PCDHA1: variants seen among roughly 807,000 people sequenced by gnomAD.
PCDHA1 encodes protocadherin alpha-1.
A neutral mutation model predicts 61.3 loss-of-function variants in PCDHA1; 42 were observed. The ratio of observed to expected loss-of-function variants is 0.69; its 90% CI spans 0.54 to 0.89. The LOEUF is 0.89. PCDHA1 is among the 40% of genes least tolerant of loss of function. PCDHA1 has a pLI of 0.00. For missense variants in PCDHA1, 1,256 were observed against 1,235.3 expected (o/e 1.02, Z -0.25); for synonymous variants, 610 against 553.8 (o/e 1.10, Z -1.43).
intron 1 of PCDHA1, among the ~76,000 whole-genome samples, chr5:140,901,260 T>C (rs1554189701): frequency 6.6e-6 from 1 of 152,308 alleles, no homozygotes; most frequent in East Asian, 1.9e-4. Flanking sequence ...CCTGTGATTG[T>C]GGGGTATTAC....
chr5:141,001,435 A>G (rs1377491641), intron 3 of PCDHA1, among the ~76,000 whole-genome samples: 4 of 152,202 alleles, frequency 2.6e-5, no homozygotes, highest in African/African-American at 7.2e-5. Flanking sequence ...TTCCATGGAA[A>G]AGTCTTTCCA....
chr5:140,853,533 T>C (rs2042784288), intron 1 of PCDHA1: 2 of 979,954 alleles, frequency 2.0e-6, no homozygotes, highest in African/African-American at 3.5e-5. Context: ...TATGTCTCTT[T>C]TCAAGTTGTA....
chr5:140,883,406 G>A, intron 1 of PCDHA1: 2 of 1,614,156 alleles, frequency 1.2e-6, no homozygotes, highest in South Asian at 2.2e-5. Context: ...TCGTGACTCT[G>A]GCTCAAATGG....
chr5:140,796,245 A>T lies in PCDHA1; in HGVS notation c.2394+7561A>T, dbSNP rs555772582. 6.2e-6 allele frequency: 10 copies of T among 1,614,146 alleles called. No homozygotes were observed. The South Asian group carries it at 1.1e-4, about 18-fold the overall frequency. On this transcript the variant is annotated intron_variant, in intron 1 of 3. Transcript: ENST00000504120. ...CAGCCTATGAGCTGGTGGTGACCGC[A>T]CGGGACGGGGGCTCGCCTTCACTGT... is the stretch of plus-strand genomic sequence containing the variant.
intron 1 of PCDHA1, chr5:140,808,216 C>T (rs370721658): frequency 1.2e-6 from 2 of 1,614,108 alleles, no homozygotes; most frequent in African/African-American, 2.7e-5. Flanking sequence ...TAGAAGACAA[C>T]AACGATAATG....
chr5:140,874,534 CA>C (rs782798422), intron 1 of PCDHA1, among the ~76,000 whole-genome samples: 5 of 152,202 alleles, frequency 3.3e-5, no homozygotes, highest in Non-Finnish European at 5.9e-5. Flanking sequence ...GATTAGGCTC[CA>C]AAACCCTTTA....
intron 1 of PCDHA1, among the ~76,000 whole-genome samples, chr5:140,840,646 T>C (rs2150308439): frequency 9.2e-5 from 14 of 151,994 alleles, no homozygotes; most frequent in African/African-American, 3.4e-4. Context: ...AGAGAAATAG[T>C]GTAAAGAATA....
At position 140,928,790 on chromosome 5, in the gene PCDHA1, G is replaced by T. The variant is rs370207805; in HGVS notation, c.2395-50159G>T. The T allele has an allele frequency of 9.3e-6, 15 of 1,614,058 alleles. No homozygotes were observed. Among genetic ancestry groups the T allele is most frequent in the Non-Finnish European group, 1.2e-5 (14 of 1,180,044 alleles). On this transcript the variant is annotated intron_variant, in intron 1 of 3. Coordinates refer to ENST00000504120, the MANE Select transcript of PCDHA1 (RefSeq NM_018900.4). The stretch of plus-strand genomic sequence containing the variant: ...CTTCCCACTGATGCAGTTAAGCAGA[G>T]GGTGGTGGTAGTGGTTCGGGACCAT...
chr5:140,926,767 C>T (rs1323702990), intron 1 of PCDHA1: 8 of 1,358,906 alleles, frequency 5.9e-6, no homozygotes, highest in Admixed American at 3.2e-5. Context: ...AGTATCCAGC[C>T]CGCAGCAGTG....
Position 140,850,115 on chromosome 5 carries a change from G to C in PCDHA1, c.2394+61431G>C, listed in dbSNP as rs2150468444. ...AGTTCCAGGTGAGCGCGCGCGACGCGGGCGTGCCGCCTCTGGGCAGCAACG... is the reference window on the plus strand; with the variant it reads ...AGTTCCAGGTGAGCGCGCGCGACGCCGGCGTGCCGCCTCTGGGCAGCAACG... On this transcript the variant is annotated intron_variant, in intron 1 of 3. Transcript: ENST00000504120. The C allele has an allele frequency of 8.1e-6, 13 of 1,596,094 alleles. 2 individuals are homozygous for C. Among genetic ancestry groups the C allele is most frequent in the Non-Finnish European group, 1.1e-5 (13 of 1,167,854 alleles).
chr5:140,943,257 C>CAAAAA (rs1238620023), intron 1 of PCDHA1, among the ~76,000 whole-genome samples: 3 of 77,348 alleles, frequency 3.9e-5, no homozygotes, highest in Non-Finnish European at 5.0e-5. Context: ...GACTCTGTCT[C>CAAAAA]AAAAAAAAAA....
intron 1 of PCDHA1, chr5:140,807,450 C>T: frequency 1.2e-6 from 2 of 1,606,840 alleles, no homozygotes; most frequent in Non-Finnish European, 1.7e-6. Context: ...TTTGTGAATT[C>T]TCGGATCGAC....
intron 1 of PCDHA1, among the ~76,000 whole-genome samples, chr5:140,806,272 T>A (rs1407708262): frequency 1.3e-5 from 2 of 152,168 alleles, no homozygotes; most frequent in South Asian, 2.1e-4. Flanking sequence ...AATATTCAGT[T>A]TGGCTAAAAT....
In PCDHA1 at chr5:140,851,831, A is replaced by T. The variant is rs1171493624; in HGVS notation, c.2394+63147A>T. 16 of 968,114 alleles carry T rather than the reference A, an allele frequency of 1.7e-5. 1 individual carries two copies. Among genetic ancestry groups the T allele is most frequent in the Middle Eastern group, 5.3e-4 (1 of 1,876 alleles). 60.0% of individuals were successfully genotyped at this position (968,114 alleles called of 1,614,324 possible). On this transcript the variant is annotated intron_variant, in intron 1 of 3. Transcript: ENST00000504120. ...CCATAAGACAGAAATCTGTTTTTTT[A>T]AAAATATCTTTTTCTCCTCTCAGCT...
intron 3 of PCDHA1, among the ~76,000 whole-genome samples, chr5:140,990,473 C>G (rs1268910696): frequency 6.6e-6 from 1 of 152,186 alleles, no homozygotes; most frequent in Non-Finnish European, 1.5e-5. Flanking sequence ...TATCATGTAT[C>G]AAGCTGAATA....
chr5:140,923,343 T>C (rs1251719779), intron 1 of PCDHA1, among the ~76,000 whole-genome samples: 1 of 152,122 alleles, frequency 6.6e-6, no homozygotes, highest in African/African-American at 2.4e-5. Flanking sequence ...TTGGGCAACA[T>C]AGTGGGACCC....
At chr5:140,834,123 CTT>C (rs1476989067) in intron 1 of PCDHA1, 8 of 438,204 alleles carry the variant, frequency 1.8e-5, no homozygotes, top group Admixed American at 7.9e-5. Flanking sequence ...TGAAATAAAA[CTT>C]TTCATCTGAT....
rs1554131961 is a variant in PCDHA1, at chr5:140,829,444, T to C, written c.2394+40760T>C. On this transcript the variant is annotated intron_variant, in intron 1 of 3. Coordinates refer to ENST00000504120, the MANE Select transcript of PCDHA1 (RefSeq NM_018900.4). Reference sequence around the variant, plus strand: ...TGGAGGTGGCCGACATGAATGACAATGCTCCGGCGTTCGCGCAGCCCGAGT... The same window carrying C: ...TGGAGGTGGCCGACATGAATGACAACGCTCCGGCGTTCGCGCAGCCCGAGT... 6.8e-6 allele frequency: 11 copies of C among 1,613,940 alleles called. No homozygotes were observed. The East Asian group carries it at 1.3e-4, about 20-fold the overall frequency.
In PCDHA1 at chr5:140,786,651, G is replaced by T; in HGVS notation, c.361G>T (p.Val121Leu). The stretch of plus-strand genomic sequence containing the variant: ...GCCGCTGCAGGTTTTCCATGTGGAG[G>T]TGAAGGTGAAAGACATTAACGATAA... ...DRPLQVFHVE[V>L]KVKDINDNPP... The change falls in exon 1 of 4, where the codon GTG becomes TTG. Residue 121 changes from valine (V) to leucine (L), a missense_variant. Transcript: ENST00000504120. The T allele has an allele frequency of 6.2e-7, 1 of 1,614,278 alleles. No individual in the cohort carries two copies. Among genetic ancestry groups the T allele is most frequent in the Non-Finnish European group, 8.5e-7 (1 of 1,180,052 alleles).
Sources: gnomAD v4.1 joint callset for allele counts (sites outside exome capture counted in the v4.1 genomes callset) on GRCh38, gnomAD v4.1.1 for gene constraint, MANE v1.5 for transcripts, NCBI Gene and HGNC (gene_info 2026-07-23, HGNC 2026-07-21) for gene names.